SBK1: variants seen among roughly 807,000 people sequenced by gnomAD.
The protein encoded by SBK1 is serine/threonine-protein kinase SBK1.
A neutral mutation model predicts 24.4 loss-of-function variants in SBK1; 11 were observed. The observed-to-expected ratio is 0.45, with a 90% CI of 0.28 to 0.75. The LOEUF is 0.75. Among genes scored for constraint, SBK1 ranks in the 30% least tolerant of loss-of-function variants. The pLI is 0.12. For missense variants in SBK1, 467 were observed against 620.5 expected (o/e 0.75, Z 2.63); for synonymous variants, 308 against 284.4 (o/e 1.08, Z -0.83).
At chr16:28,272,604 T>A (rs890665332) in intron 1 of SBK1, among the ~76,000 whole-genome samples, 1 of 135,324 alleles carries the variant, frequency 7.4e-6, no homozygotes, top group Non-Finnish European at 1.6e-5. Context: ...ATTTTTTTTC[T>A]TTCTTTCTTT....
upstream of SBK1, chr16:28,290,395 G>T (rs1198825739): frequency 1.3e-5 from 2 of 152,228 alleles, no homozygotes; most frequent in Non-Finnish European, 2.9e-5. Flanking sequence ...AGCACTTTGG[G>T]AGGCTGAGGT....
intron 1 of SBK1, among the ~76,000 whole-genome samples, chr16:28,268,948 A>C (rs1385671002): frequency 6.6e-6 from 1 of 152,074 alleles, no homozygotes; most frequent in Non-Finnish European, 1.5e-5. Context: ...GTTTTGGCTC[A>C]ACTGCTGTGG....
chr16:28,295,640 G>T lies in SBK1; in HGVS notation c.-8+2340G>T, dbSNP rs192307213. Reference sequence around the variant, plus strand: ...GGTAGGGCACGTGCTGTAAAATACAGCCTATAGACGATTTTTGTTGGTCCA... The same window carrying T: ...GGTAGGGCACGTGCTGTAAAATACATCCTATAGACGATTTTTGTTGGTCCA... On this transcript the variant is annotated intron_variant, in intron 1 of 3. Coordinates refer to ENST00000341901, the MANE Select transcript of SBK1 (RefSeq NM_001024401.3). Among the ~76,000 whole-genome samples the T allele has an allele frequency of 2.0e-5, 3 of 152,252 alleles. No individual in the cohort carries two copies. In the East Asian group the frequency reaches 5.8e-4, roughly 29 times the overall value.
At chr16:28,298,241 G>T (rs568562444) in intron 1 of SBK1, among the ~76,000 whole-genome samples, 6 of 152,368 alleles carry the variant, frequency 3.9e-5, no homozygotes, top group Admixed American at 1.3e-4. Context: ...CATACCTGGA[G>T]AGAGGACAGG....
chr16:28,293,830 G>C (rs1474179775), intron 1 of SBK1, among the ~76,000 whole-genome samples: 1 of 152,114 alleles, frequency 6.6e-6, no homozygotes, highest in African/African-American at 2.4e-5. Context: ...AATGGGAATC[G>C]CATCTTCCCT....
At position 28,301,339 on chromosome 16, in the gene SBK1, G is replaced by A. The variant is rs889024655; in HGVS notation, c.-8+8039G>A. On this transcript the variant is annotated intron_variant, in intron 1 of 3. Coordinates refer to ENST00000341901, the MANE Select transcript of SBK1 (RefSeq NM_001024401.3). Reference sequence around the variant, plus strand: ...CCTGTTCCAGCTCTGGGCACCAGCTGCAGGAAGGCAGCGTCACAAGCTATT... The same window carrying A: ...CCTGTTCCAGCTCTGGGCACCAGCTACAGGAAGGCAGCGTCACAAGCTATT... 5.3e-5 allele frequency among the ~76,000 whole-genome samples: 8 copies of A among 152,240 alleles called. 1 individual carries two copies. The highest frequency in any genetic ancestry group is 5.2e-4 in the Admixed American group (8 of 15,284).
rs2044865313 is a variant in SBK1 at position 28,322,920 on chromosome 16, CTCTCTCTCTCCCTCTCT to C, written c.*2000_*2016del. 1 of 17,896 alleles carries C rather than the reference CTCTCTCTCTCCCTCTCT, an allele frequency of 5.6e-5. No individual in the cohort carries two copies. Among genetic ancestry groups the C allele is most frequent in the Admixed American group, 5.7e-4 (1 of 1,756 alleles). 1.1% of individuals were successfully genotyped at this position (17,896 alleles called of 1,614,324 possible). On this transcript the variant is annotated 3_prime_UTR_variant, in exon 4 of 4. Transcript: ENST00000341901. ...GTGCTCGCTCTCTCTCTCGCGCGCG[CTCTCTCTCTCCCTCTCT>C]CTCTCTCTCTCTCTCTCTCTCTCTC... is the stretch of plus-strand genomic sequence containing the variant.
At chr16:28,293,729 G>C (rs2044619075) in intron 1 of SBK1, among the ~76,000 whole-genome samples, 2 of 152,120 alleles carry the variant, frequency 1.3e-5, no homozygotes, top group African/African-American at 4.8e-5. Flanking sequence ...GGTGAGGGGG[G>C]CTGCCTTATG....
Position 28,320,478 on chromosome 16 carries a change from C to T in SBK1, c.832C>T (p.Pro278Ser). The T allele has an allele frequency of 2.5e-6, 4 of 1,574,510 alleles. No individual in the cohort carries two copies. The highest frequency in any genetic ancestry group is 3.4e-6 in the Non-Finnish European group (4 of 1,167,072). ...RWQRGRLPGL[P>S]SQWRRFTEPA... ...GCAGCGGGGCCGCCTGCCGGGGCTG[C>T]CTTCGCAGTGGCGCCGCTTCACCGA... Residue 278 changes from proline (P) to serine (S), a missense_variant, in exon 4 of 4, where the codon CCT becomes TCT. By Grantham distance (74) the Pro-to-Ser change is moderately conservative. This residue lies in a region of SBK1 where 86 missense variants were observed against 121.7 expected (regional missense o/e 0.71). Coordinates refer to ENST00000341901, the MANE Select transcript of SBK1 (RefSeq NM_001024401.3). This position sits in a 1 kb window ranked among gnomAD's most constrained non-coding sequence, Gnocchi z 8.5.
chr16:28,278,408 C>A (rs2044508716), intron 1 of SBK1, among the ~76,000 whole-genome samples: 1 of 148,066 alleles, frequency 6.8e-6, no homozygotes. Flanking sequence ...GTGTCCTGAT[C>A]CTGGCTCACT....
In SBK1 at chr16:28,293,224, G is replaced by A; in HGVS notation, c.-84G>A. On this transcript the variant is annotated 5_prime_UTR_variant, in exon 1 of 4. Coordinates refer to ENST00000341901, the MANE Select transcript of SBK1 (RefSeq NM_001024401.3). ...CCGGTCCATGGTCGTGGCGCCCTGA[G>A]CCCCCGGGGCCGGGCAGACGAAGAC... 1.0e-6 allele frequency: 1 copy of A among 985,408 alleles called. No individual in the cohort carries two copies. The highest frequency in any genetic ancestry group is 1.2e-6 in the Non-Finnish European group (1 of 829,934). 61.0% of individuals were successfully genotyped at this position (985,408 alleles called of 1,614,324 possible).
At chr16:28,283,526 C>T (rs2044546445) in intron 1 of SBK1, among the ~76,000 whole-genome samples, 1 of 152,194 alleles carries the variant, frequency 6.6e-6, no homozygotes, top group Non-Finnish European at 1.5e-5. Context: ...TTCTATCCTA[C>T]CAGCCTGGCT....
Position 28,259,389 on chromosome 16 carries a change from G to T in SBK1, c.144G>T (p.Glu48Asp). ...CTGGCCACCCCTGCCCTGTCCTGGA[G>T]CTGCCTCCGGCCTGGCCCATGGGCT... Residue 48 changes from glutamate (E) to aspartate (D), a missense_variant, in exon 1 of 4, where the codon GAG becomes GAT. Transcript: ENST00000671413. This position sits in a 1 kb window ranked among gnomAD's most constrained non-coding sequence, Gnocchi z 6.0. The T allele has an allele frequency of 1.0e-6, 1 of 968,898 alleles. No individual in the cohort carries two copies. The highest frequency in any genetic ancestry group is 1.2e-6 in the Non-Finnish European group (1 of 814,830). The allele number at this position is 968,898 out of a possible 1,614,324, so 60.0% of individuals were successfully genotyped here.
chr16:28,296,880 A>G (rs2044644634), intron 1 of SBK1, among the ~76,000 whole-genome samples: 2 of 152,166 alleles, frequency 1.3e-5, no homozygotes, highest in South Asian at 2.1e-4. Flanking sequence ...GGGCAGGGCT[A>G]CTGTCCAGGG....
rs894692114 is a variant in SBK1 at position 28,323,596 on chromosome 16, C to T, written c.*2675C>T. The T allele has an allele frequency of 6.5e-6, 1 of 152,736 alleles. No individual in the cohort carries two copies. The highest frequency in any genetic ancestry group is 1.5e-5 in the Non-Finnish European group (1 of 68,084). The allele number at this position is 152,736 out of a possible 1,614,324, so 9.5% of individuals were successfully genotyped here. On this transcript the variant is annotated 3_prime_UTR_variant, in exon 4 of 4. Coordinates refer to ENST00000341901, the MANE Select transcript of SBK1 (RefSeq NM_001024401.3). ...GAACCCCACGGCTGCCAGAATGTTC[C>T]CTGAGCCCACACTGTGGCCAGTGGG...
intron 1 of SBK1, among the ~76,000 whole-genome samples, chr16:28,295,625 G>A (rs867120244): frequency 3.9e-5 from 6 of 152,102 alleles, no homozygotes; most frequent in Non-Finnish European, 7.4e-5. Context: ...GGTAGGGCAC[G>A]TGCTGTAAAA....
At chr16:28,263,546 A>T (rs959568295) in intron 1 of SBK1, among the ~76,000 whole-genome samples, 7 of 152,174 alleles carry the variant, frequency 4.6e-5, no homozygotes, top group African/African-American at 9.7e-5. Flanking sequence ...AGAGCAAATG[A>T]TGGGGACAGT....
At chr16:28,260,780 G>A (rs2044392704) in intron 1 of SBK1, among the ~76,000 whole-genome samples, 1 of 152,164 alleles carries the variant, frequency 6.6e-6, no homozygotes, top group Non-Finnish European at 1.5e-5. Flanking sequence ...AGACAAAAGA[G>A]AAGACAGGTC....
chr16:28,282,337 G>A (rs577259528), intron 1 of SBK1, among the ~76,000 whole-genome samples: 1 of 152,206 alleles, frequency 6.6e-6, no homozygotes, highest in Non-Finnish European at 1.5e-5. Context: ...AGAGATGAGT[G>A]GGCATTCGCA....
Sources: allele counts gnomAD v4.1 joint callset (sites outside exome capture counted in the v4.1 genomes callset), GRCh38; gene constraint gnomAD v4.1.1; regional missense constraint gnomAD v4.1.1; non-coding constraint Gnocchi (gnomAD v3.1); transcripts MANE v1.5; gene names NCBI Gene and HGNC (gene_info 2026-07-23, HGNC 2026-07-21).